Variants in KIAA0825 observed in about 807,000 individuals in gnomAD.
The protein encoded by KIAA0825 is uncharacterized protein KIAA0825.
Under a neutral mutation model 147.6 loss-of-function variants are expected in KIAA0825, and 119 were observed. The ratio of observed to expected loss-of-function variants is 0.81; its 90% confidence interval spans 0.69 to 0.94. KIAA0825 has a LOEUF of 0.94. Among genes scored for constraint, KIAA0825 ranks in the 40% least tolerant of loss-of-function variants. KIAA0825 has a pLI of 0.00. For synonymous variants in KIAA0825, 470 were observed against 518.1 expected, an observed-to-expected ratio of 0.91 and a Z score of 1.26; for missense variants, 1,381 against 1,472.7, an observed-to-expected ratio of 0.94 and a Z score of 1.02.
chr5:94,548,519 C>A (rs1774904249), intron 2 of KIAA0825, among the ~76,000 whole-genome samples: 1 of 152,102 alleles, frequency 6.6e-6, no homozygotes, highest in Non-Finnish European at 1.5e-5. Context: ...AACCACAAAA[C>A]AACCAGAAAA....
chr5:94,535,459 G>A (rs372275357), intron 3 of KIAA0825, among the ~76,000 whole-genome samples: 54 of 113,680 alleles, frequency 4.8e-4, no homozygotes, highest in African/African-American at 1.2e-3. Flanking sequence ...GCAGTGAGCC[G>A]AAATCGTGCC....
At chr5:94,177,107 G>T (rs903302838) in intron 20 of KIAA0825, among the ~76,000 whole-genome samples, 1 of 152,020 alleles carries the variant, frequency 6.6e-6, no homozygotes, top group African/African-American at 2.4e-5. Flanking sequence ...GGAAAATTCA[G>T]CTGTGGTTTA....
intron 20 of KIAA0825, among the ~76,000 whole-genome samples, chr5:94,216,923 T>C (rs957616458): frequency 6.6e-6 from 1 of 152,182 alleles, no homozygotes; most frequent in Admixed American, 6.5e-5. Flanking sequence ...TTAAATAACT[T>C]GAATCAGGCC....
intron 20 of KIAA0825, 113 bp from the exon 21 acceptor site, chr5:94,154,237 C>T: frequency 1.4e-6 from 1 of 700,430 alleles, no homozygotes; most frequent in Admixed American, 2.2e-5. Context: ...CTGTCTCTCC[C>T]TGTTTATTCT....
At chr5:94,170,584 G>A (rs1583736086) in intron 20 of KIAA0825, among the ~76,000 whole-genome samples, 1 of 152,184 alleles carries the variant, frequency 6.6e-6, no homozygotes, top group East Asian at 1.9e-4. Context: ...GCATCAAGTA[G>A]GCAGGTAATG....
At chr5:94,522,419 C>T (rs529840856) in intron 4 of KIAA0825, among the ~76,000 whole-genome samples, 9 of 151,624 alleles carry the variant, frequency 5.9e-5, no homozygotes, top group Non-Finnish European at 1.3e-4. Flanking sequence ...GGTGCCTCTG[C>T]CTTGGTTTTT....
At position 94,430,210 on chromosome 5, in the gene KIAA0825, T is replaced by C. The variant is rs577875705; in HGVS notation, c.2497+9772A>G. ...AGACAGTTCAGCCTGCTGATCCAGG[T>C]GATCTGGTGCTCTGAATGTATGAAG... On this transcript the variant is annotated intron_variant, in intron 14 of 20. Transcript: ENST00000682413. 6.6e-5 allele frequency among the ~76,000 whole-genome samples: 10 copies of C among 152,294 alleles called. No individual in the cohort carries two copies. In the South Asian group the frequency reaches 2.1e-3, roughly 32 times the overall value.
intron 2 of KIAA0825, among the ~76,000 whole-genome samples, chr5:94,576,179 A>C (rs889554794): frequency 6.6e-6 from 1 of 152,186 alleles, no homozygotes; most frequent in Non-Finnish European, 1.5e-5. Context: ...ATTATTTTTC[A>C]ATCTTTAAAA....
At chr5:94,220,504 A>G (rs1773585814) in intron 20 of KIAA0825, among the ~76,000 whole-genome samples, 1 of 152,204 alleles carries the variant, frequency 6.6e-6, no homozygotes, top group Admixed American at 6.5e-5. Context: ...GCACTTTTAT[A>G]TGACTGGCAG....
At chr5:94,608,760 C>A (rs1788137710) in intron 1 of KIAA0825, among the ~76,000 whole-genome samples, 1 of 151,200 alleles carries the variant, frequency 6.6e-6, no homozygotes, top group Admixed American at 6.6e-5. Context: ...AAAATTTGAG[C>A]TTTCCAAGCA....
chr5:94,591,883 C>A (rs1361124035), intron 1 of KIAA0825, among the ~76,000 whole-genome samples: 1 of 152,100 alleles, frequency 6.6e-6, no homozygotes, highest in Non-Finnish European at 1.5e-5. Flanking sequence ...CAAAGGAACT[C>A]CCATTTATAA....
intron 20 of KIAA0825, among the ~76,000 whole-genome samples, chr5:94,312,768 G>A (rs1277754320): frequency 1.3e-5 from 2 of 151,396 alleles, no homozygotes; most frequent in Admixed American, 1.3e-4. Context: ...TTTAAATGTG[G>A]CAAATTAATA....
At chr5:94,574,167 C>T (rs1389320288) in intron 2 of KIAA0825, among the ~76,000 whole-genome samples, 2 of 152,172 alleles carry the variant, frequency 1.3e-5, no homozygotes, top group African/African-American at 2.4e-5. Flanking sequence ...CATAGCTTCA[C>T]AGGCCCCACA....
chr5:94,382,383 A>G (rs1042690352), intron 20 of KIAA0825, among the ~76,000 whole-genome samples: 2 of 152,244 alleles, frequency 1.3e-5, no homozygotes, highest in Admixed American at 1.3e-4. Context: ...GGTGTCATCG[A>G]GAAACTAACA....
At chr5:94,156,656 T>C (rs891549309) in intron 20 of KIAA0825, among the ~76,000 whole-genome samples, 3 of 152,168 alleles carry the variant, frequency 2.0e-5, no homozygotes, top group African/African-American at 7.2e-5. Context: ...TTATAGGCAC[T>C]TCACAGTATA....
chr5:94,240,308 A>G (rs927472526), intron 20 of KIAA0825, among the ~76,000 whole-genome samples: 1 of 152,236 alleles, frequency 6.6e-6, no homozygotes, highest in Non-Finnish European at 1.5e-5. Flanking sequence ...GCACTTGTCA[A>G]CAAAACTGCT....
intron 20 of KIAA0825, among the ~76,000 whole-genome samples, chr5:94,155,836 T>G (rs1426698461): frequency 1.3e-5 from 2 of 152,286 alleles, no homozygotes; most frequent in East Asian, 3.9e-4. Context: ...ATAAAAAGTT[T>G]TTCACTGCCA....
chr5:94,494,601 TG>T (rs1764140202), intron 5 of KIAA0825, among the ~76,000 whole-genome samples: 1 of 152,170 alleles, frequency 6.6e-6, no homozygotes, highest in Admixed American at 6.5e-5. Context: ...TGTGATAAAA[TG>T]GGTTTTAAAT....
intron 1 of KIAA0825, among the ~76,000 whole-genome samples, chr5:94,606,354 C>G (rs1051097828): frequency 6.6e-6 from 1 of 152,178 alleles, no homozygotes; most frequent in Non-Finnish European, 1.5e-5. Context: ...AGATTCAATG[C>G]TATTCCTATC....
Sources: gnomAD v4.1 joint callset for allele counts (sites outside exome capture counted in the v4.1 genomes callset) on GRCh38, gnomAD v4.1.1 for gene constraint, MANE v1.5 for transcripts, NCBI Gene and HGNC (gene_info 2026-07-23, HGNC 2026-07-21) for gene names.